The following TTLL1 variants were observed in gnomAD, a reference collection of about 807,000 sequenced individuals.
The protein encoded by TTLL1 is polyglutamylase complex subunit TTLL1.
A neutral mutation model predicts 47.8 loss-of-function variants in TTLL1; 33 were observed. The observed-to-expected ratio is 0.69, with a 90% confidence interval of 0.52 to 0.92. The LOEUF (loss-of-function observed/expected upper bound fraction) is 0.92. Among genes scored for constraint, TTLL1 ranks in the 40% least tolerant of loss-of-function variants. The probability of loss-of-function intolerance (pLI) is 0.00; values close to 1 mark genes in which losing one functional copy is unlikely to be tolerated. For synonymous variants in TTLL1, 225 were observed against 214.1 expected (o/e 1.05, Z -0.45); for missense variants, 488 against 547.5 (o/e 0.89, Z 1.08).
Position 43,063,874 on chromosome 22 carries a change from C to G in TTLL1, c.686G>C (p.Ser229Thr). Residue 229 changes from serine to threonine, a missense_variant, in exon 7 of 11, where the codon AGT (serine) becomes ACT (threonine). Ser to Thr is a moderately conservative substitution (Grantham distance 58). Transcript: ENST00000266254. ...CRFCTVKYTPSTSELDNMFVH... is the reference protein window; with the variant it reads ...CRFCTVKYTPTTSELDNMFVH... Reference sequence around the variant, plus strand: ...GAACATGTTGTCCAGCTCACTGGTACTCGGGGTGTATTTCACTGTGCAGAA... The same window carrying G: ...GAACATGTTGTCCAGCTCACTGGTAGTCGGGGTGTATTTCACTGTGCAGAA... 6.2e-7 allele frequency: 1 copy of G among 1,614,122 alleles called. No homozygotes were observed. Among genetic ancestry groups the G allele is most frequent in the Non-Finnish European group, 8.5e-7 (1 of 1,180,008 alleles).
chr22:43,076,029 G>A (rs555573139), intron 2 of TTLL1, among the ~76,000 whole-genome samples: 12 of 152,318 alleles, frequency 7.9e-5, no homozygotes, highest in African/African-American at 2.9e-4. Flanking sequence ...GCTGGGGAGG[G>A]CCACCCTGAG....
chr22:43,080,903 T>TTTC (rs1928837918), intron 1 of TTLL1, among the ~76,000 whole-genome samples: 1 of 32,932 alleles, frequency 3.0e-5, no homozygotes, highest in African/African-American at 2.6e-4. Context: ...GTTGCATGAC[T>TTTC]TTTTTTTTTT....
chr22:43,071,038 A>C (rs1040491442), intron 3 of TTLL1, among the ~76,000 whole-genome samples: 5 of 151,942 alleles, frequency 3.3e-5, no homozygotes, highest in Non-Finnish European at 2.9e-5. Flanking sequence ...TCAGCTTCCC[A>C]AGTAGCTGGG....
In TTLL1 at chr22:43,039,769, G is replaced by A. The variant is rs1252127617; in HGVS notation, c.*7C>T. On this transcript the variant is annotated 3_prime_UTR_variant, in exon 11 of 11. Coordinates refer to ENST00000266254, the MANE Select transcript of TTLL1 (RefSeq NM_012263.5). ...AGTGAGTAGTTTTGATAAGGTCCAGGTGGGACTCACTTCCAGGTGGTGAGG... is the reference window on the plus strand; with the variant it reads ...AGTGAGTAGTTTTGATAAGGTCCAGATGGGACTCACTTCCAGGTGGTGAGG... 1.2e-6 allele frequency: 2 copies of A among 1,608,252 alleles called. No individual in the cohort carries two copies. The highest frequency in any genetic ancestry group is 1.7e-6 in the Non-Finnish European group (2 of 1,176,086).
At position 43,068,523 on chromosome 22, in the gene TTLL1, G is replaced by A; in HGVS notation, c.390C>T (p.Ser130=). ...GCTTCATGATCCAGGTGCTGGACGG[G>A]CTCTTCCGGAACTCCTCTACAAACA... ...YNLFVEEFRK[S]PSSTWIMKPC... Residue 130 remains serine (S), a synonymous_variant, in exon 5 of 11, where the codon AGC becomes AGT. Transcript: ENST00000266254. The A allele has an allele frequency of 1.3e-6, 2 of 1,570,048 alleles. No individual in the cohort carries two copies. Among genetic ancestry groups the A allele is most frequent in the Non-Finnish European group, 1.7e-6 (2 of 1,148,298 alleles).
At chr22:43,063,139 ACCT>A (rs1048970233) in intron 7 of TTLL1, among the ~76,000 whole-genome samples, 8 of 152,176 alleles carry the variant, frequency 5.3e-5, no homozygotes, top group Admixed American at 5.2e-4. Context: ...AGCAGAAGTC[ACCT>A]CATGACATCC....
rs768299826 is a variant in TTLL1, at chr22:43,059,429, G to A, written c.846C>T (p.Phe282=). Residue 282 remains phenylalanine (F), a synonymous_variant, in exon 8 of 11, where the codon TTC becomes TTT. Transcript: ENST00000266254. ...GCACGATGATCCAGTGGATCTCGTC[G>A]AACAGCTTGCTGGTCACCTCCTTGC... is the stretch of plus-strand genomic sequence containing the variant. ...TRGKEVTSKL[F]DEIHWIIVQS... is the part of the protein sequence containing the mutation. 10 of 1,613,900 alleles carry A rather than the reference G, an allele frequency of 6.2e-6. No homozygotes were observed. The East Asian group carries it at 8.9e-5, about 14-fold the overall frequency.
intron 8 of TTLL1, among the ~76,000 whole-genome samples, chr22:43,058,978 C>T (rs767240759): frequency 1.3e-5 from 2 of 151,224 alleles, no homozygotes; most frequent in African/African-American, 2.4e-5. Flanking sequence ...CAGGCGTTAA[C>T]CAACGCGCCC....
chr22:43,070,301 T>G, intron 3 of TTLL1: 1 of 933,026 alleles, frequency 1.1e-6, no homozygotes, highest in Non-Finnish European at 1.5e-6. Flanking sequence ...TTGATATTCT[T>G]GGAGAGTCTG....
intron 9 of TTLL1, among the ~76,000 whole-genome samples, chr22:43,050,447 T>C (rs1926531577): frequency 6.7e-6 from 1 of 149,004 alleles, no homozygotes; most frequent in Non-Finnish European, 1.5e-5. Context: ...AGAAAAGTAA[T>C]GTTCACAATT....
intron 10 of TTLL1, 35 bp from the exon 11 acceptor site, chr22:43,039,940 C>G (rs1349050592): frequency 6.9e-6 from 11 of 1,603,880 alleles, no homozygotes; most frequent in Non-Finnish European, 9.4e-6. Context: ...ACGGCAGGCT[C>G]TCTTTCAAAG....
chr22:43,040,493 T>C (rs1024258196), intron 10 of TTLL1, among the ~76,000 whole-genome samples: 1 of 152,128 alleles, frequency 6.6e-6, no homozygotes, highest in African/African-American at 2.4e-5. Context: ...TCACCAAGGC[T>C]GGTATACAGT....
rs950024615 is a variant in TTLL1 at position 43,046,555 on chromosome 22, G to A, written c.997C>T (p.Leu333Phe). 6.2e-7 allele frequency: 1 copy of A among 1,614,032 alleles called. No individual in the cohort carries two copies. The highest frequency in any genetic ancestry group is 1.1e-5 in the South Asian group (1 of 91,088). ...CGGTCATTGGCAGTGCTGGACGTGA[G>A]AGACGGGGACGCATTCACCTGTGAG... The part of the protein sequence containing the change: ...WLIEVNASPS[L>F]TSSTANDRIL... Residue 333 changes from leucine to phenylalanine, a missense_variant, in exon 10 of 11, where the codon CTC becomes TTC. Coordinates refer to ENST00000266254, the MANE Select transcript of TTLL1 (RefSeq NM_012263.5).
intron 9 of TTLL1, among the ~76,000 whole-genome samples, chr22:43,047,471 T>G (rs891967299): frequency 1.3e-5 from 2 of 152,100 alleles, no homozygotes; most frequent in Non-Finnish European, 2.9e-5. Flanking sequence ...CAGTCACTAC[T>G]TTTTTTGGTT....
chr22:43,068,317 A>T, intron 5 of TTLL1, 93 bp downstream of exon 5: 5 of 1,223,728 alleles, frequency 4.1e-6, no homozygotes, highest in Non-Finnish European at 5.4e-6. Context: ...ACTCTGTCAA[A>T]AAAAAACCAA....
chr22:43,082,159 AT>A (rs112916743), intron 1 of TTLL1, among the ~76,000 whole-genome samples: 1,859 of 143,912 alleles, frequency 0.013, 28 homozygotes, highest in South Asian at 0.049. Flanking sequence ...GACCCCTTCC[AT>A]TTTTTTTTTT....
At chr22:43,061,946 A>G (rs1464330665) in intron 7 of TTLL1, among the ~76,000 whole-genome samples, 1 of 152,084 alleles carries the variant, frequency 6.6e-6, no homozygotes, top group East Asian at 1.9e-4. Context: ...GATCTTCTAG[A>G]TGTGTGTTCC....
chr22:43,073,364 T>TTTCTTTTA (rs1555964073), intron 3 of TTLL1, among the ~76,000 whole-genome samples: 1 of 133,354 alleles, frequency 7.5e-6, no homozygotes, highest in Non-Finnish European at 1.5e-5. Flanking sequence ...TATTTATTTA[T>TTTCTTTTA]TTTATTTTTT....
chr22:43,075,037 C>T (rs1374076273), intron 3 of TTLL1, among the ~76,000 whole-genome samples: 1 of 151,978 alleles, frequency 6.6e-6, no homozygotes, highest in Non-Finnish European at 1.5e-5. Context: ...GGTGTGGTGG[C>T]GCCTGTAATC....
Sources: gnomAD v4.1 joint callset for allele counts (sites outside exome capture counted in the v4.1 genomes callset) on GRCh38, gnomAD v4.1.1 for gene constraint, MANE v1.5 for transcripts, NCBI Gene and HGNC (gene_info 2026-07-23, HGNC 2026-07-21) for gene names.